Variants in TNXB observed in about 807,000 individuals in gnomAD.
TNXB encodes the protein tenascin XB, also known as tenascin-X.
A neutral mutation model predicts 340.5 loss-of-function variants in TNXB; 183 were observed. The observed-to-expected ratio is 0.54, with a 90% CI of 0.48 to 0.61. TNXB has a LOEUF of 0.61. Among genes scored for constraint, TNXB ranks in the 20% least tolerant of loss-of-function variants. The pLI, the probability that TNXB is intolerant of heterozygous loss-of-function variation, is 0.00. For synonymous variants in TNXB, 2,121 were observed against 2,314.5 expected, an observed-to-expected ratio of 0.92 and a Z score of 2.40; for missense variants, 4,613 against 5,446.4, an observed-to-expected ratio of 0.85 and a Z score of 4.82.
Position 32,062,618 on chromosome 6 carries a change from G to A in TNXB, c.6842-135C>T. ...CCCAAGCTTAGAATATCATTTTTCT[G>A]CTTTGAATGTTCAGTTAACACCACA... On this transcript the variant is annotated intron_variant, in intron 19 of 43. Coordinates refer to ENST00000644971, the MANE Select transcript of TNXB (RefSeq NM_001365276.2). The surrounding 1 kb of genome is among the most constrained non-coding windows in gnomAD (Gnocchi z 4.3). 1 of 887,854 alleles carries A rather than the reference G, an allele frequency of 1.1e-6. No homozygotes were observed. The highest frequency in any genetic ancestry group is 1.7e-6 in the Non-Finnish European group (1 of 601,220). The allele number at this position is 887,854 out of a possible 1,614,324, so 55.0% of individuals were successfully genotyped here.
rs771278790 is a variant in TNXB, at chr6:32,079,152, C to T, written c.4256G>A (p.Gly1419Glu). 1.2e-6 allele frequency: 2 copies of T among 1,613,872 alleles called. No individual in the cohort carries two copies. The highest frequency in any genetic ancestry group is 1.7e-6 in the Non-Finnish European group (2 of 1,179,890). The change falls in exon 11 of 44, where the codon GGG (glycine) becomes GAG (glutamate). Residue 1419 changes from glycine (G) to glutamate (E), a missense_variant. Gly to Glu is a moderately conservative substitution (Grantham distance 98). Transcript: ENST00000644971. This position sits in a 1 kb window ranked among gnomAD's most constrained non-coding sequence, Gnocchi z 7.1. ...CACGGTGACCTCACTCTCCTTGCCC[C>T]CAACACGCACCGCCCGGGGCCGCCC... ...RDGRPRAVRV[G>E]GKESEVTVGG...
At position 32,050,153 on chromosome 6, in the gene TNXB, C is replaced by T; in HGVS notation, c.9284G>A (p.Arg3095Lys). Residue 3095 changes from arginine (R) to lysine (K), a missense_variant, in exon 27 of 44, where the codon AGG (arginine) becomes AAG (lysine). By Grantham distance (26) the Arg-to-Lys change is conservative (BLOSUM62 2). Around this residue, in one of 7 missense-constraint regions of TNXB, gnomAD observed 4,327 missense variants for 4,859.4 expected, o/e 0.89. Transcript: ENST00000644971. ...GQFDHFLVQY[R>K]NGDGQPKAVR... ...CGCCTTGGGCTGCCCATCCCCATTC[C>T]TGTACTGGACCAGGAAGTGGTCAAA... 6.2e-7 allele frequency: 1 copy of T among 1,613,886 alleles called. No individual in the cohort carries two copies. The highest frequency in any genetic ancestry group is 1.1e-5 in the South Asian group (1 of 91,088).
Position 32,089,386 on chromosome 6 carries a change from G to C in TNXB, c.2359-7C>G. The C allele has an allele frequency of 6.2e-7, 1 of 1,602,858 alleles. No homozygotes were observed. The highest frequency in any genetic ancestry group is 8.5e-7 in the Non-Finnish European group (1 of 1,176,246). The stretch of plus-strand genomic sequence containing the variant: ...GGGGGCTCGCCCCCTCTGTCTGTGA[G>C]AGAGAGCACCAGGTGGCTCAGGGGC... On this transcript the variant is annotated splice_polypyrimidine_tract_variant and splice_region_variant and intron_variant, in intron 4 of 43. Transcript: ENST00000644971. The surrounding 1 kb of genome is among the most constrained non-coding windows in gnomAD (Gnocchi z 6.2).
chr6:32,091,465 T>C (rs1413305643), intron 4 of TNXB, among the ~76,000 whole-genome samples: 1 of 150,606 alleles, frequency 6.6e-6, no homozygotes, highest in African/African-American at 2.4e-5. Context: ...TTGGTAAAGC[T>C]TGGCTGCTTC....
chr6:32,047,598 G>T lies in TNXB; in HGVS notation c.10324+136C>A. The T allele has an allele frequency of 2.0e-6, 2 of 986,550 alleles. No homozygotes were observed. Among genetic ancestry groups the T allele is most frequent in the Non-Finnish European group, 2.9e-6 (2 of 694,154 alleles). The allele number at this position is 986,550 out of a possible 1,614,324, so 61.1% of individuals were successfully genotyped here. On this transcript the variant is annotated intron_variant, in intron 30 of 43. Coordinates refer to ENST00000644971, the MANE Select transcript of TNXB (RefSeq NM_001365276.2). The surrounding 1 kb of genome is among the most constrained non-coding windows in gnomAD (Gnocchi z 6.2). ...GCTTCAGAACTGTGCCTGACACACA[G>T]AGGGACTCACTTTCGGAGTTAAGAT... is the stretch of plus-strand genomic sequence containing the variant.
chr6:32,070,727 C>T lies in TNXB; in HGVS notation c.4991-313G>A, dbSNP rs1778724163. 6.6e-6 allele frequency among the ~76,000 whole-genome samples: 1 copy of T among 152,236 alleles called. No homozygotes were observed. The highest frequency in any genetic ancestry group is 2.4e-5 in the African/African-American group (1 of 41,462). On this transcript the variant is annotated intron_variant, in intron 13 of 43. Transcript: ENST00000644971. The surrounding 1 kb of genome is among the most constrained non-coding windows in gnomAD (Gnocchi z 6.0). The stretch of plus-strand genomic sequence containing the variant: ...TTCCCCAGCAGGGTGCAGCTTCTTA[C>T]AGACTGGGTCTCTATCTCCTCTTAC...
rs181337684 is a variant in TNXB, at chr6:32,104,800, T to C, written c.-9+4381A>G. ...ACAGGTGTGTGCCATCACGCTCAGC[T>C]AATTTTTAATTTTTTTTGCAAAGAC... is the stretch of plus-strand genomic sequence containing the variant. On this transcript the variant is annotated intron_variant, in intron 1 of 43. Coordinates refer to ENST00000644971, the MANE Select transcript of TNXB (RefSeq NM_001365276.2). 6.8e-4 allele frequency among the ~76,000 whole-genome samples: 104 copies of C among 152,194 alleles called. 1 individual carries two copies. The East Asian group carries it at 0.018, about 27-fold the overall frequency.
chr6:32,093,657 T>G (rs1780181174), intron 4 of TNXB, among the ~76,000 whole-genome samples: 1 of 151,924 alleles, frequency 6.6e-6, no homozygotes, highest in Non-Finnish European at 1.5e-5. Flanking sequence ...CAGGAAAACA[T>G]GAGTTGGATG....
chr6:32,065,631 A>T (rs563947907), intron 18 of TNXB, among the ~76,000 whole-genome samples: 102 of 151,942 alleles, frequency 6.7e-4, no homozygotes, highest in African/African-American at 2.3e-3. Flanking sequence ...TTATTTATTT[A>T]TTTTTTGACA....
Position 32,078,273 on chromosome 6 carries a change from C to A in TNXB, c.4375+760G>T, listed in dbSNP as rs190401457. On this transcript the variant is annotated intron_variant, in intron 11 of 43. Transcript: ENST00000644971. ...GACCAGCCTGGCCAACACGGTGAAC[C>A]CCGTCTCTACTAAAAATACAAAAAA... Among the ~76,000 whole-genome samples, 507 of 151,592 alleles carry A rather than the reference C, an allele frequency of 3.3e-3. 3 individuals carry two copies. The highest frequency in any genetic ancestry group is 9.1e-3 in the Admixed American group (139 of 15,228).
rs1778200095 is a variant in TNXB at position 32,064,335 on chromosome 6, C to A, written c.6841+486G>T. ...TCAAGCGATTCTCCCGCCTTAGCCTCCCGAGTAGCTGGGACTACAGGCATG... is the reference window on the plus strand; with the variant it reads ...TCAAGCGATTCTCCCGCCTTAGCCTACCGAGTAGCTGGGACTACAGGCATG... On this transcript the variant is annotated intron_variant, in intron 19 of 43. Coordinates refer to ENST00000644971, the MANE Select transcript of TNXB (RefSeq NM_001365276.2). This position sits in a 1 kb window ranked among gnomAD's most constrained non-coding sequence, Gnocchi z 5.3. Among the ~76,000 whole-genome samples, 1 of 152,182 alleles carries A rather than the reference C, an allele frequency of 6.6e-6. No individual in the cohort carries two copies. The highest frequency in any genetic ancestry group is 1.5e-5 in the Non-Finnish European group (1 of 68,030).
chr6:32,101,589 T>A lies in TNXB; in HGVS notation c.-8-3383A>T, dbSNP rs1358480084. Among the ~76,000 whole-genome samples, 5 of 82,866 alleles carry A rather than the reference T, an allele frequency of 6.0e-5. No homozygotes were observed. The East Asian group carries it at 1.3e-3, about 21-fold the overall frequency. 54.4% of individuals were successfully genotyped at this position (82,866 alleles called of 152,430 possible). On this transcript the variant is annotated intron_variant, in intron 1 of 43. Coordinates refer to ENST00000644971, the MANE Select transcript of TNXB (RefSeq NM_001365276.2). The stretch of plus-strand genomic sequence containing the variant: ...CAGGCGTGAGCCACCGCACCCAGCC[T>A]TTTTTTTTTTTTTTTTTTTAGTAGA...
At position 32,067,124 on chromosome 6, in the gene TNXB, A is replaced by AAAGG. The variant is rs1214703349; in HGVS notation, c.6544+533_6544+536dup. Among the ~76,000 whole-genome samples the AAAGG allele has an allele frequency of 6.0e-3, 796 of 131,796 alleles. 8 individuals are homozygous for AAAGG. The highest frequency in any genetic ancestry group is 0.033 in the Middle Eastern group (9 of 270). 86.5% of individuals were successfully genotyped at this position (131,796 alleles called of 152,430 possible). On this transcript the variant is annotated intron_variant, in intron 18 of 43. Coordinates refer to ENST00000644971, the MANE Select transcript of TNXB (RefSeq NM_001365276.2). The surrounding 1 kb of genome is among the most constrained non-coding windows in gnomAD (Gnocchi z 4.2). ...AAGAAAGAAAGAAAGAGAAAGAAAG[A>AAAGG]AAGGAAGGAAGAAAGAAAGAAAGAA...
rs1779657498 is a variant in TNXB at position 32,084,526 on chromosome 6, G to A, written c.3332C>T (p.Pro1111Leu). 5.0e-6 allele frequency: 8 copies of A among 1,609,082 alleles called. No homozygotes were observed. Among genetic ancestry groups the A allele is most frequent in the African/African-American group, 1.3e-5 (1 of 74,894 alleles). ...GGAGGTGATGACGGCCGAGCGCTGGGGTCCTTCCACGGGCACCACCTGGGG... is the reference window on the plus strand; with the variant it reads ...GGAGGTGATGACGGCCGAGCGCTGGAGTCCTTCCACGGGCACCACCTGGGG... ...GQPQVVPVEG[P>L]QRSAVITSLD... The change falls in exon 8 of 44, where the codon CCC (proline) becomes CTC (leucine). Residue 1111 changes from proline (P) to leucine (L), a missense_variant. Pro to Leu is a moderately conservative substitution (Grantham distance 98, BLOSUM62 -3). Around this residue, in one of 7 missense-constraint regions of TNXB, gnomAD observed 4,327 missense variants for 4,859.4 expected, o/e 0.89. Transcript: ENST00000644971. The surrounding 1 kb of genome is among the most constrained non-coding windows in gnomAD (Gnocchi z 5.5).
chr6:32,053,063 G>C, intron 25 of TNXB, 70 bp from the exon 26 acceptor site: 1 of 1,515,848 alleles, frequency 6.6e-7, no homozygotes, highest in Non-Finnish European at 8.9e-7. Flanking sequence ...TGAGGAAGGA[G>C]AGCGAAGCTG....
rs1203162353 is a variant in TNXB, at chr6:32,047,271, T to G, written c.10324+463A>C. ...CCACCACACCCCTTCCTCAGGGAGC[T>G]GAGTCATAGGCATAGTGACACCAGG... On this transcript the variant is annotated intron_variant, in intron 30 of 43. Coordinates refer to ENST00000644971, the MANE Select transcript of TNXB (RefSeq NM_001365276.2). The surrounding 1 kb of genome is among the most constrained non-coding windows in gnomAD (Gnocchi z 6.2). 6.6e-6 allele frequency among the ~76,000 whole-genome samples: 1 copy of G among 152,234 alleles called. No individual in the cohort carries two copies. The highest frequency in any genetic ancestry group is 2.4e-5 in the African/African-American group (1 of 41,470).
chr6:32,069,806 C>A lies in TNXB; in HGVS notation c.5334G>T (p.Leu1778=). Reference sequence around the variant, plus strand: ...CGGTGGTCACCTGCAGCTCCTCCCCCAGACGGGGTTTTGGGGGACGCTTTG... The same window carrying A: ...CGGTGGTCACCTGCAGCTCCTCCCCAAGACGGGGTTTTGGGGGACGCTTTG... The part of the protein sequence containing the change: ...TGTKRPPKPR[L]GEELQVTTVT... Residue 1778 remains leucine, a synonymous_variant, in exon 15 of 44, where the codon CTG becomes CTT. Coordinates refer to ENST00000644971, the MANE Select transcript of TNXB (RefSeq NM_001365276.2). The surrounding 1 kb of genome is among the most constrained non-coding windows in gnomAD (Gnocchi z 6.2). 1.2e-6 allele frequency: 2 copies of A among 1,610,144 alleles called. No individual in the cohort carries two copies. Among genetic ancestry groups the A allele is most frequent in the Non-Finnish European group, 1.7e-6 (2 of 1,178,318 alleles).
intron 1 of TNXB, among the ~76,000 whole-genome samples, chr6:32,102,275 T>C (rs1174076501): frequency 6.6e-6 from 1 of 152,174 alleles, no homozygotes; most frequent in Non-Finnish European, 1.5e-5. Flanking sequence ...AACCCAGATA[T>C]CTATAACTAA....
rs546571403 is a variant in TNXB at position 32,061,283 on chromosome 6, G to C, written c.7492+114C>G. ...GCCACAGCCACAGGGCACAGAGGGA[G>C]GGCAGGACACAGGAGACAAGTCTGG... On this transcript the variant is annotated intron_variant, in intron 21 of 43. Transcript: ENST00000644971. This position sits in a 1 kb window ranked among gnomAD's most constrained non-coding sequence, Gnocchi z 4.4. The C allele has an allele frequency of 3.3e-4, 487 of 1,457,970 alleles. 3 individuals carry two copies. The highest frequency in any genetic ancestry group is 2.7e-3 in the Admixed American group (128 of 47,122). 90.3% of individuals were successfully genotyped at this position (1,457,970 alleles called of 1,614,324 possible).
Sources: allele counts gnomAD v4.1 joint callset (sites outside exome capture counted in the v4.1 genomes callset), GRCh38; gene constraint gnomAD v4.1.1; regional missense constraint gnomAD v4.1.1; non-coding constraint Gnocchi (gnomAD v3.1); transcripts MANE v1.5; gene names NCBI Gene and HGNC (gene_info 2026-07-23, HGNC 2026-07-21).